Variants in MT4 observed in about 807,000 individuals in gnomAD.
The protein encoded by MT4 is metallothionein 4.
MT4 carries 11 observed loss-of-function variants against 9.5 expected under a neutral mutation model. That is an observed-to-expected ratio of 1.16 (90% CI 0.73 to 1.92). The LOEUF (loss-of-function observed/expected upper bound fraction) is 1.92. Ranked by LOEUF, MT4 falls within the 30% of genes most tolerant of loss-of-function variation. The pLI, the probability that MT4 is intolerant of heterozygous loss-of-function variation, is 0.00. For synonymous variants in MT4, 29 were observed against 24.6 expected (o/e 1.18, Z -0.53); for missense variants, 88 against 78.7 (o/e 1.12, Z -0.45).
At chr16:56,566,741 AGAAAGAAGGAAG>A (rs1403227853) in intron 1 of MT4, among the ~76,000 whole-genome samples, 3 of 26,854 alleles carry the variant, frequency 1.1e-4, no homozygotes, top group Admixed American at 4.0e-4. Flanking sequence ...AAAGAAAGAA[AGAAAGAAGGAAG>A]GAAGGAAGGA....
intron 1 of MT4, among the ~76,000 whole-genome samples, chr16:56,566,202 T>C (rs1959515854): frequency 6.6e-6 from 1 of 151,792 alleles, no homozygotes; most frequent in Non-Finnish European, 1.5e-5. Context: ...AAATGAAAAA[T>C]GGGATAATTT....
intron 1 of MT4, among the ~76,000 whole-genome samples, chr16:56,566,774 GAAAGAAAGAAAGAAAGAAAGAAA>G (rs1959532146): frequency 1.0e-3 from 21 of 20,064 alleles, no homozygotes; most frequent in Middle Eastern, 0.036. Context: ...AGGAAGGAAA[GAAAGAAAGAAAGAAAGAAAGAAA>G]GAAAGAAAGA....
intron 2 of MT4, among the ~76,000 whole-genome samples, chr16:56,568,257 A>AGAGAGAGAG (rs1567330602): frequency 1.3e-4 from 11 of 83,178 alleles, no homozygotes; most frequent in Non-Finnish European, 2.6e-4. Context: ...GAAAGAAAGA[A>AGAGAGAGAG]AGAGAGAGAG....
intron 2 of MT4, among the ~76,000 whole-genome samples, chr16:56,568,301 G>T (rs1001746466): frequency 6.8e-6 from 1 of 146,502 alleles, no homozygotes; most frequent in Non-Finnish European, 1.5e-5. Context: ...AAGAAAGAAA[G>T]AAAGAAAGAA....
chr16:56,567,059 C>A (rs1262695750), intron 1 of MT4, among the ~76,000 whole-genome samples: 3 of 152,014 alleles, frequency 2.0e-5, no homozygotes, highest in East Asian at 3.9e-4. Flanking sequence ...AGTCTCACTC[C>A]ATCACCCAGG....
chr16:56,566,798 GA>G (rs1293946294), intron 1 of MT4, among the ~76,000 whole-genome samples: 4 of 46,248 alleles, frequency 8.6e-5, no homozygotes, highest in Non-Finnish European at 1.5e-4. Context: ...AAGAAAGAAA[GA>G]AAGAAAGAAA....
In MT4 at chr16:56,568,945, G is replaced by T; in HGVS notation, c.*13G>T. The T allele has an allele frequency of 6.3e-7, 1 of 1,585,464 alleles. No homozygotes were observed. Among genetic ancestry groups the T allele is most frequent in the Non-Finnish European group, 8.6e-7 (1 of 1,165,330 alleles). ...CTGCTGCCCATGAAAGCCATCCATCGTGCCCACCCCTTCCAAGGAGAGAAA... is the reference window on the plus strand; with the variant it reads ...CTGCTGCCCATGAAAGCCATCCATCTTGCCCACCCCTTCCAAGGAGAGAAA... On this transcript the variant is annotated 3_prime_UTR_variant, in exon 3 of 3. Coordinates refer to ENST00000219162, the MANE Select transcript of MT4 (RefSeq NM_032935.3).
intron 1 of MT4, 34 bp downstream of exon 1, chr16:56,565,193 C>A (rs1485708818): frequency 1.9e-6 from 3 of 1,601,624 alleles, no homozygotes; most frequent in South Asian, 2.2e-5. Flanking sequence ...GGTCTGGGAA[C>A]CTTGGACCAG....
chr16:56,566,832 AAAGAAAGAAAGAAAGAAAG>A (rs1959541315), intron 1 of MT4, among the ~76,000 whole-genome samples: 1 of 121,808 alleles, frequency 8.2e-6, no homozygotes, highest in East Asian at 2.2e-4. Context: ...AGAAAGAAAG[AAAGAAAGAAAGAAAGAAAG>A]AAAGAAATGA....
intron 1 of MT4, among the ~76,000 whole-genome samples, chr16:56,567,109 C>T (rs1444035960): frequency 6.6e-6 from 1 of 151,258 alleles, no homozygotes; most frequent in Non-Finnish European, 1.5e-5. Context: ...CTGCAACCTC[C>T]ATCTCCCAAG....
intron 1 of MT4, among the ~76,000 whole-genome samples, chr16:56,566,729 A>AAGGAAGGAAG (rs1959527121): frequency 1.2e-4 from 3 of 25,214 alleles, no homozygotes; most frequent in Admixed American, 6.1e-4. Context: ...AAAGAAAGAA[A>AAGGAAGGAAG]GAAAGAAAGA....
chr16:56,565,707 C>A (rs532421776), intron 1 of MT4, among the ~76,000 whole-genome samples: 1 of 152,172 alleles, frequency 6.6e-6, no homozygotes, highest in African/African-American at 2.4e-5. Flanking sequence ...AGCATGTTAG[C>A]CAGAAGGAGA....
At chr16:56,566,819 A>AAAAGAAAGAAAG (rs199947899) in intron 1 of MT4, among the ~76,000 whole-genome samples, 7 of 52,528 alleles carry the variant, frequency 1.3e-4, no homozygotes, top group East Asian at 5.4e-4. Flanking sequence ...AGAAAGAAAG[A>AAAAGAAAGAAAG]AAAGAAAGAA....
intron 1 of MT4, among the ~76,000 whole-genome samples, chr16:56,565,714 G>A (rs1464702361): frequency 6.6e-6 from 1 of 152,132 alleles, no homozygotes; most frequent in Non-Finnish European, 1.5e-5. Context: ...TAGCCAGAAG[G>A]AGAGAAATCA....
At chr16:56,567,184 T>C (rs563019453) in intron 1 of MT4, among the ~76,000 whole-genome samples, 148 of 151,426 alleles carry the variant, frequency 9.8e-4, no homozygotes, top group Non-Finnish European at 1.4e-3. Context: ...CCACCACGCC[T>C]GGCTAATTTT....
At chr16:56,565,588 G>A (rs1959508196) in intron 1 of MT4, among the ~76,000 whole-genome samples, 2 of 152,202 alleles carry the variant, frequency 1.3e-5, no homozygotes, top group Admixed American at 6.5e-5. Flanking sequence ...ACATCCCAGA[G>A]CTGCTATGAA....
chr16:56,565,557 G>A (rs1012239798), intron 1 of MT4, among the ~76,000 whole-genome samples: 6 of 152,170 alleles, frequency 3.9e-5, no homozygotes, highest in Non-Finnish European at 5.9e-5. Context: ...GTAGACTGAG[G>A]TTCCTTATTC....
At chr16:56,566,342 T>C (rs993083008) in intron 1 of MT4, among the ~76,000 whole-genome samples, 2 of 152,006 alleles carry the variant, frequency 1.3e-5, no homozygotes, top group Non-Finnish European at 2.9e-5. Flanking sequence ...CTGGGCAATA[T>C]AACAAGGCCC....
chr16:56,568,217 AAG>A (rs1491249947), intron 2 of MT4, among the ~76,000 whole-genome samples: 3 of 26,458 alleles, frequency 1.1e-4, no homozygotes, highest in African/African-American at 3.4e-4. Context: ...GAGAGAGAGA[AAG>A]AAAGAAAGAA....
Sources: allele counts gnomAD v4.1 joint callset (sites outside exome capture counted in the v4.1 genomes callset), GRCh38; gene constraint gnomAD v4.1.1; transcripts MANE v1.5; gene names NCBI Gene and HGNC (gene_info 2026-07-23, HGNC 2026-07-21).